TRAPPC9: variants seen among roughly 807,000 people sequenced by gnomAD.
TRAPPC9 encodes the protein trafficking protein particle complex subunit 9, also known as IKK2 binding protein.
In TRAPPC9, 83 loss-of-function variants were observed where a neutral mutation model predicts 124.0. The observed-to-expected ratio is 0.67, with a 90% CI of 0.56 to 0.80. The LOEUF (loss-of-function observed/expected upper bound fraction) is 0.80, where lower values mean the gene tolerates loss of function less well. Among genes scored for constraint, TRAPPC9 ranks in the 30% least tolerant of loss-of-function variants. The pLI, the probability that TRAPPC9 is intolerant of heterozygous loss-of-function variation, is 0.00. For missense variants in TRAPPC9, 1,302 were observed against 1,508.3 expected (o/e 0.86, Z 2.27); for synonymous variants, 638 against 617.5 (o/e 1.03, Z -0.49).
chr8:140,458,462 G>T (rs1422899440), upstream of TRAPPC9: 4 of 1,572,676 alleles, frequency 2.5e-6, no homozygotes, highest in South Asian at 4.7e-5. Flanking sequence ...GCCTGGGAGC[G>T]CCTCCAGGAT....
intron 9 of TRAPPC9, among the ~76,000 whole-genome samples, chr8:140,322,877 C>T (rs980271182): frequency 6.6e-6 from 1 of 152,178 alleles, no homozygotes; most frequent in African/African-American, 2.4e-5. Context: ...AAGTAGAATA[C>T]AAGCATGATA....
chr8:140,286,004 C>T (rs895155951), intron 13 of TRAPPC9, among the ~76,000 whole-genome samples: 4 of 152,200 alleles, frequency 2.6e-5, no homozygotes, highest in Non-Finnish European at 4.4e-5. Flanking sequence ...TGCAGCTGAG[C>T]GAGACACACG....
rs79861691 is a variant in TRAPPC9 at position 140,260,927 on chromosome 8, G to A, written c.2279-7998C>T. ...TGAAGGTGAAGGGAGAGAGTACTTTGAAAAGATATGGCAGAAAAGAAAATA... is the reference window on the plus strand; with the variant it reads ...TGAAGGTGAAGGGAGAGAGTACTTTAAAAAGATATGGCAGAAAAGAAAATA... On this transcript the variant is annotated intron_variant, in intron 15 of 22. Transcript: ENST00000438773. Among the ~76,000 whole-genome samples the A allele has an allele frequency of 2.8e-3, 427 of 152,282 alleles. 1 individual carries two copies. The highest frequency in any genetic ancestry group is 9.5e-3 in the African/African-American group (393 of 41,554).
At chr8:140,188,227 G>C (rs1372364467) in intron 17 of TRAPPC9, among the ~76,000 whole-genome samples, 1 of 152,188 alleles carries the variant, frequency 6.6e-6, no homozygotes, top group Non-Finnish European at 1.5e-5. Context: ...TGCCTTCAGG[G>C]ATTTAAATTT....
intron 15 of TRAPPC9, among the ~76,000 whole-genome samples, chr8:140,269,238 T>TA (rs58308239): frequency 2.1e-4 from 32 of 151,066 alleles, no homozygotes; most frequent in East Asian, 3.9e-4. Flanking sequence ...TAAACTGCAT[T>TA]AAAAAAAAAT....
At chr8:140,130,326 G>A (rs1168816148) in intron 17 of TRAPPC9, among the ~76,000 whole-genome samples, 6 of 152,136 alleles carry the variant, frequency 3.9e-5, no homozygotes, top group Non-Finnish European at 5.9e-5. Flanking sequence ...TGGAGAGGCC[G>A]GGCAGACACC....
At chr8:140,176,834 T>C (rs1216251405) in intron 17 of TRAPPC9, among the ~76,000 whole-genome samples, 1 of 152,250 alleles carries the variant, frequency 6.6e-6, no homozygotes, top group East Asian at 1.9e-4. Flanking sequence ...AATCACTCTT[T>C]TTAGTCATTC....
At chr8:140,024,767 G>A (rs559676040) in intron 17 of TRAPPC9, among the ~76,000 whole-genome samples, 2 of 152,082 alleles carry the variant, frequency 1.3e-5, no homozygotes, top group African/African-American at 4.8e-5. Context: ...GCCTAAACAC[G>A]GCATTTTAGA....
intron 16 of TRAPPC9, among the ~76,000 whole-genome samples, chr8:140,225,716 G>A (rs890649538): frequency 1.3e-5 from 2 of 152,250 alleles, no homozygotes; most frequent in African/African-American, 2.4e-5. Context: ...CCAGTAAGCC[G>A]TCCTCTGTTG....
chr8:139,771,275 C>T (rs970649888), intron 21 of TRAPPC9, among the ~76,000 whole-genome samples: 1 of 152,124 alleles, frequency 6.6e-6, no homozygotes. Flanking sequence ...CTGCAAAGTC[C>T]CATCTCAGAG....
chr8:139,790,854 A>G (rs1362577806), intron 21 of TRAPPC9, among the ~76,000 whole-genome samples: 1 of 152,106 alleles, frequency 6.6e-6, no homozygotes, highest in Non-Finnish European at 1.5e-5. Flanking sequence ...AATGGTTAGC[A>G]CCAGTGCCCT....
At chr8:140,210,823 G>A (rs1455292553) in intron 17 of TRAPPC9, among the ~76,000 whole-genome samples, 1 of 152,166 alleles carries the variant, frequency 6.6e-6, no homozygotes, top group African/African-American at 2.4e-5. Context: ...CAAGCCTGTG[G>A]CCATGCTCCT....
At chr8:140,320,832 C>G (rs2066573024) in intron 9 of TRAPPC9, among the ~76,000 whole-genome samples, 1 of 152,180 alleles carries the variant, frequency 6.6e-6, no homozygotes. Context: ...GTCAGGCCCT[C>G]TACAAACCCT....
chr8:140,330,932 T>C (rs374875918), intron 9 of TRAPPC9, among the ~76,000 whole-genome samples: 11 of 151,884 alleles, frequency 7.2e-5, no homozygotes, highest in African/African-American at 2.4e-4. Context: ...CCTATCAAAA[T>C]ACCAGTGATG....
intron 21 of TRAPPC9, among the ~76,000 whole-genome samples, chr8:139,765,754 G>C (rs746087202): frequency 1.3e-5 from 2 of 152,222 alleles, no homozygotes; most frequent in Non-Finnish European, 2.9e-5. Context: ...TGGACACACA[G>C]ATGTGTGCTC....
intron 21 of TRAPPC9, among the ~76,000 whole-genome samples, chr8:139,856,278 T>A (rs1586997449): frequency 6.6e-6 from 1 of 152,162 alleles, no homozygotes; most frequent in Non-Finnish European, 1.5e-5. Flanking sequence ...AATTTCAGCA[T>A]ACCTCTTCCA....
intron 9 of TRAPPC9, among the ~76,000 whole-genome samples, chr8:140,336,156 A>G (rs2067033689): frequency 6.6e-6 from 1 of 151,998 alleles, no homozygotes; most frequent in African/African-American, 2.4e-5. Context: ...CCATCTGCTC[A>G]GTTTTCTCCC....
At chr8:139,815,481 G>A (rs954296356) in intron 21 of TRAPPC9, among the ~76,000 whole-genome samples, 12 of 151,212 alleles carry the variant, frequency 7.9e-5, no homozygotes, top group Admixed American at 5.9e-4. Context: ...TCTGCCTCCC[G>A]GGTTCAAGCG....
intron 8 of TRAPPC9, among the ~76,000 whole-genome samples, chr8:140,370,607 T>C (rs2068254076): frequency 6.6e-6 from 1 of 152,232 alleles, no homozygotes; most frequent in Admixed American, 6.5e-5. Context: ...TATACACATA[T>C]ACCCAAGGAT....
Sources: allele counts gnomAD v4.1 joint callset (sites outside exome capture counted in the v4.1 genomes callset), GRCh38; gene constraint gnomAD v4.1.1; transcripts MANE v1.5; gene names NCBI Gene and HGNC (gene_info 2026-07-23, HGNC 2026-07-21).